The following PLAA variants were observed in gnomAD, a reference collection of about 807,000 sequenced individuals.
PLAA encodes the protein phospholipase A2 activating protein.
PLAA carries 48 observed loss-of-function variants against 84.1 expected under a neutral mutation model. The ratio of observed to expected loss-of-function variants is 0.57; its 90% CI spans 0.45 to 0.73. PLAA has a LOEUF of 0.73. Ranked by LOEUF, PLAA falls within the 30% of genes least tolerant of loss-of-function variation. PLAA has a pLI of 0.00. For synonymous variants in PLAA, 392 were observed against 336.6 expected (o/e 1.16, Z -1.80); for missense variants, 903 against 954.7 (o/e 0.95, Z 0.71).
At chr9:26,916,633 C>T (rs1824570742) in intron 10 of PLAA, 2 of 989,560 alleles carry the variant, frequency 2.0e-6, no homozygotes, top group African/African-American at 3.5e-5. Context: ...GGCTCCTTCT[C>T]TGCTCGTGAT....
intron 1 of PLAA, among the ~76,000 whole-genome samples, chr9:26,939,094 CATAA>C (rs1329516374): frequency 1.3e-5 from 2 of 152,124 alleles, no homozygotes; most frequent in Non-Finnish European, 2.9e-5. Flanking sequence ...GGAATTTAAA[CATAA>C]ATAAACTAGG....
chr9:26,930,198 G>C (rs551048775), intron 2 of PLAA, among the ~76,000 whole-genome samples: 1 of 149,896 alleles, frequency 6.7e-6, no homozygotes, highest in Non-Finnish European at 1.5e-5. Context: ...TCTGCCTCCC[G>C]GGTTCACGCC....
chr9:26,927,402 T>C (rs1221558942), intron 4 of PLAA, among the ~76,000 whole-genome samples: 2 of 152,118 alleles, frequency 1.3e-5, no homozygotes, highest in Non-Finnish European at 2.9e-5. Flanking sequence ...GGATTACAGT[T>C]GTGAGTCACT....
chr9:26,908,077 A>G, intron 12 of PLAA, 79 bp from the exon 13 acceptor site: 2 of 1,061,164 alleles, frequency 1.9e-6, no homozygotes, highest in South Asian at 1.6e-5. Context: ...ACTTTCAATA[A>G]AAGTACTCTA....
Position 26,910,438 on chromosome 9 carries a change from C to A in PLAA, c.1557G>T (p.Gly519=). Residue 519 remains glycine, a splice_region_variant and synonymous_variant, in exon 12 of 14, where the codon GGG becomes GGT. Transcript: ENST00000397292. Reference sequence around the variant, plus strand: ...ATGCAGCTGATCGGTAGGCACTATTCCCTATTTAAAGAATAGAAGATGATG... The same window carrying A: ...ATGCAGCTGATCGGTAGGCACTATTACCTATTTAAAGAATAGAAGATGATG... ...TTMAGVDPFT[G]NSAYRSAASK... 1 of 1,605,306 alleles carries A rather than the reference C, an allele frequency of 6.2e-7. No homozygotes were observed. The highest frequency in any genetic ancestry group is 1.1e-5 in the South Asian group (1 of 90,828).
At chr9:26,931,402 C>A (rs1825180349) in intron 2 of PLAA, among the ~76,000 whole-genome samples, 1 of 152,070 alleles carries the variant, frequency 6.6e-6, no homozygotes, top group African/African-American at 2.4e-5. Flanking sequence ...TTATCAGTAG[C>A]TGCTAAAAAT....
intron 11 of PLAA, among the ~76,000 whole-genome samples, chr9:26,911,896 C>T (rs1217226839): frequency 1.3e-5 from 2 of 152,086 alleles, no homozygotes; most frequent in African/African-American, 4.8e-5. Context: ...AGACGAAACA[C>T]TTAGTGAGAT....
rs1032502066 is a variant in PLAA, at chr9:26,907,892, T to C, written c.1764A>G (p.Ser588=). 6.2e-7 allele frequency: 1 copy of C among 1,612,116 alleles called. No individual in the cohort carries two copies. The highest frequency in any genetic ancestry group is 8.5e-7 in the Non-Finnish European group (1 of 1,179,502). ...KILSLICNSS[S]EKPTVQQLQI... ...GAAGTTGCTGGACTGTGGGTTTTTC[T>C]GAAGAACTATTACATATTAGAGACA... Residue 588 remains serine, a synonymous_variant, in exon 13 of 14, where the codon TCA becomes TCG. Coordinates refer to ENST00000397292, the MANE Select transcript of PLAA (RefSeq NM_001031689.3).
chr9:26,924,916 A>G (rs1259757060), intron 6 of PLAA, among the ~76,000 whole-genome samples: 2 of 152,212 alleles, frequency 1.3e-5, no homozygotes, highest in African/African-American at 2.4e-5. Flanking sequence ...ATCCACTGGC[A>G]TGAGTGTGGC....
chr9:26,918,113 AAT>A (rs202029022), intron 9 of PLAA, among the ~76,000 whole-genome samples: 1,864 of 151,858 alleles, frequency 0.012, 34 homozygotes, highest in African/African-American at 0.043. Context: ...TTTTTTTTAA[AAT>A]TTTTTGATTT....
intron 11 of PLAA, 139 bp from the exon 12 acceptor site, chr9:26,910,578 A>G (rs1334309492): frequency 2.0e-5 from 9 of 453,902 alleles, no homozygotes; most frequent in East Asian, 6.6e-5. Flanking sequence ...CCTCAAGGGG[A>G]AAAATATCCA....
intron 11 of PLAA, among the ~76,000 whole-genome samples, chr9:26,913,514 G>C (rs148138084): frequency 4.1e-4 from 62 of 152,308 alleles, no homozygotes; most frequent in Non-Finnish European, 6.9e-4. Context: ...GACTTTGTAA[G>C]AGTAGTGAGG....
rs770868857 is a variant in PLAA at position 26,923,168 on chromosome 9, A to C, written c.1039+10T>G. On this transcript the variant is annotated intron_variant, in intron 7 of 13. Transcript: ENST00000397292. The stretch of plus-strand genomic sequence containing the variant: ...TGAATTTTTTCTACTAGGTACAATA[A>C]AATACTTACCAGGTTCATTAAGATG... 20 of 1,569,234 alleles carry C rather than the reference A, an allele frequency of 1.3e-5. 1 individual carries two copies. In the Admixed American group the frequency reaches 3.7e-4, roughly 29 times the overall value.
intron 3 of PLAA, 24 bp downstream of exon 3, chr9:26,928,284 A>C: frequency 6.2e-7 from 1 of 1,613,922 alleles, no homozygotes; most frequent in Non-Finnish European, 8.5e-7. Flanking sequence ...TATTCTTTAG[A>C]ATATTTACAC....
intron 7 of PLAA, 28 bp from the exon 8 acceptor site, chr9:26,920,412 G>A (rs759540847): frequency 4.1e-6 from 6 of 1,469,790 alleles, no homozygotes; most frequent in East Asian, 2.3e-5. Context: ...AAGAATCAAA[G>A]GTAGAATGGC....
intron 1 of PLAA, among the ~76,000 whole-genome samples, chr9:26,944,745 C>T (rs181487829): frequency 1.5e-3 from 226 of 152,334 alleles, no homozygotes; most frequent in African/African-American, 5.2e-3. Flanking sequence ...TATCTCACTA[C>T]GCACTAACAC....
intron 1 of PLAA, among the ~76,000 whole-genome samples, chr9:26,944,291 A>G (rs1257639459): frequency 1.3e-5 from 2 of 151,890 alleles, no homozygotes; most frequent in Non-Finnish European, 2.9e-5. Flanking sequence ...TATGAAAAAT[A>G]CATTTCTTTT....
At chr9:26,910,561 C>A in intron 11 of PLAA, 122 bp from the exon 12 acceptor site, 1 of 492,266 alleles carries the variant, frequency 2.0e-6, no homozygotes, top group Non-Finnish European at 3.6e-6. Flanking sequence ...GTGCAATAAA[C>A]AAGGAACCTC....
At chr9:26,908,511 T>C (rs1257407316) in intron 12 of PLAA, among the ~76,000 whole-genome samples, 1 of 151,456 alleles carries the variant, frequency 6.6e-6, no homozygotes, top group Non-Finnish European at 1.5e-5. Context: ...TTGCCCAGGC[T>C]GGAGTGCAGT....
Sources: allele counts gnomAD v4.1 joint callset (sites outside exome capture counted in the v4.1 genomes callset), GRCh38; gene constraint gnomAD v4.1.1; transcripts MANE v1.5; gene names NCBI Gene and HGNC (gene_info 2026-07-23, HGNC 2026-07-21).